MESD: variants seen among roughly 807,000 people sequenced by gnomAD.
MESD encodes mesoderm development LRP chaperone, also known as LRP chaperone MESD.
Under a neutral mutation model 12.9 loss-of-function variants are expected in MESD, and 7 were observed. The observed-to-expected ratio is 0.54, with a 90% CI of 0.31 to 1.02. The LOEUF is 1.02. Ranked by LOEUF, MESD falls within the 50% of genes least tolerant of loss-of-function variation. The pLI, the probability that MESD is intolerant of heterozygous loss-of-function variation, is 0.05. For synonymous variants in MESD, 126 were observed against 115.6 expected, an observed-to-expected ratio of 1.09 and a Z score of -0.58; for missense variants, 342 against 296.7, an observed-to-expected ratio of 1.15 and a Z score of -1.12.
At chr15:80,967,116 AC>A (rs1462977013) in intron 3 of MESD, among the ~76,000 whole-genome samples, 13 of 150,768 alleles carry the variant, frequency 8.6e-5, no homozygotes, top group African/African-American at 2.9e-4. Flanking sequence ...ACATGAAGAA[AC>A]CCCCGCCTCT....
exon 5 of MESD, chr15:80,948,685 C>A: frequency 7.1e-7 from 1 of 1,407,488 alleles, no homozygotes; most frequent in Non-Finnish European, 1.0e-6. Flanking sequence ...TGCAGTGTGG[C>A]TAGGCGGTAC....
intron 1 of MESD, among the ~76,000 whole-genome samples, chr15:80,985,638 G>GTTTTTT: frequency 9.7e-6 from 1 of 103,524 alleles, no homozygotes; most frequent in Non-Finnish European, 2.0e-5. Context: ...GTCCCAAGCA[G>GTTTTTT]CTTTTTTTTT....
At chr15:80,947,366 A>T (rs955139886) in exon 5 of MESD, 1 of 391,760 alleles carries the variant, frequency 2.6e-6, no homozygotes, top group Non-Finnish European at 4.8e-6. Context: ...AAAGTATCAT[A>T]AGAAAAGTGG....
intron 3 of MESD, among the ~76,000 whole-genome samples, chr15:80,968,335 C>G (rs909397037): frequency 5.3e-5 from 8 of 152,192 alleles, no homozygotes; most frequent in African/African-American, 1.9e-4. Context: ...CATCCCAGCC[C>G]CTCCCTTAGA....
At chr15:80,949,127 TGGG>T (rs1901702658) in intron 4 of MESD, 2 of 685,150 alleles carry the variant, frequency 2.9e-6, no homozygotes, top group Non-Finnish European at 2.6e-6. Flanking sequence ...CTGGAGCCCC[TGGG>T]GCGGTGCTGG....
downstream of MESD, among the ~76,000 whole-genome samples, chr15:80,974,462 A>G (rs988666353): frequency 2.0e-5 from 3 of 152,220 alleles, no homozygotes; most frequent in Admixed American, 6.5e-5. Flanking sequence ...ATCCTGGGGG[A>G]AAATATAACC....
intron 3 of MESD, among the ~76,000 whole-genome samples, chr15:80,962,010 T>C (rs1322634801): frequency 1.3e-5 from 2 of 152,192 alleles, no homozygotes; most frequent in Non-Finnish European, 2.9e-5. Flanking sequence ...TAAATGTAAA[T>C]GGGCTAAATG....
chr15:80,956,321 C>T lies in MESD; in HGVS notation c.*289-4025G>A, dbSNP rs184337548. Among the ~76,000 whole-genome samples the T allele has an allele frequency of 3.4e-4, 52 of 152,296 alleles. No individual in the cohort carries two copies. In the East Asian group the frequency reaches 4.6e-3, roughly 14 times the overall value. On this transcript the variant is annotated intron_variant, in intron 3 of 4. Coordinates refer to the MESD transcript ENST00000561312. Reference sequence around the variant, plus strand: ...GGACGGAGAGCTCTGGGCTAAGAATCGGAAGGCGTCCAACTGCTCCCCTCG... The same window carrying T: ...GGACGGAGAGCTCTGGGCTAAGAATTGGAAGGCGTCCAACTGCTCCCCTCG...
chr15:80,989,685 C>G lies in MESD; in HGVS notation c.107G>C (p.Gly36Ala), dbSNP rs143990493. The change falls in exon 1 of 3, where the codon GGC becomes GCC. Residue 36 changes from glycine (G) to alanine (A), a missense_variant. Transcript: ENST00000261758. Reference sequence around the variant, plus strand: ...AGACTCGTCGGGCGTCCCGGGCGAGCCTTCGGCCGCGCAGGACCCAGGCGG... The same window carrying G: ...AGACTCGTCGGGCGTCCCGGGCGAGGCTTCGGCCGCGCAGGACCCAGGCGG... Reference protein sequence around the residue: ...LPPPGSCAAEGSPGTPDESTP... With the variant: ...LPPPGSCAAEASPGTPDESTP... The G allele has an allele frequency of 7.0e-5, 113 of 1,612,934 alleles. No homozygotes were observed. The African/African-American group carries it at 7.2e-4, about 10-fold the overall frequency.
downstream of MESD, among the ~76,000 whole-genome samples, chr15:80,972,494 G>A (rs1308588774): frequency 6.6e-6 from 1 of 152,162 alleles, no homozygotes; most frequent in East Asian, 1.9e-4. Context: ...GGGCAGGGCT[G>A]TGCATGTAAA....
chr15:80,978,910 T>G lies in MESD; in HGVS notation c.*309A>C. 2.6e-6 allele frequency: 1 copy of G among 380,570 alleles called. No individual in the cohort carries two copies. The highest frequency in any genetic ancestry group is 4.7e-6 in the Non-Finnish European group (1 of 210,530). The allele number at this position is 380,570 out of a possible 1,614,324, so 23.6% of individuals were successfully genotyped here. On this transcript the variant is annotated 3_prime_UTR_variant, in exon 3 of 3. Transcript: ENST00000261758. ...CAGGTGCTTGGAGGGGAGTGGAATC[T>G]CAGTAGAGTTGATGACTCACCAAGT... is the stretch of plus-strand genomic sequence containing the variant.
downstream of MESD, among the ~76,000 whole-genome samples, chr15:80,972,174 C>T (rs1902302738): frequency 6.6e-6 from 1 of 152,092 alleles, no homozygotes; most frequent in Non-Finnish European, 1.5e-5. Flanking sequence ...GAGGATCAGA[C>T]CTGCAGAAAC....
At chr15:80,961,499 G>C (rs1902087761) in intron 3 of MESD, among the ~76,000 whole-genome samples, 1 of 152,128 alleles carries the variant, frequency 6.6e-6, no homozygotes, top group Admixed American at 6.6e-5. Flanking sequence ...AATGCTCCTA[G>C]ACAATGAGGA....
downstream of MESD, among the ~76,000 whole-genome samples, chr15:80,972,283 T>C (rs7163796): frequency 0.26 from 39,187 of 152,108 alleles, 5,828 homozygotes; most frequent in African/African-American, 0.41. Flanking sequence ...GTCGAACACT[T>C]AGGGCAAGTG....
At chr15:80,973,544 A>T (rs1902336738), downstream of MESD, among the ~76,000 whole-genome samples, 1 of 148,486 alleles carries the variant, frequency 6.7e-6, no homozygotes, top group South Asian at 2.1e-4. Flanking sequence ...CAAAAAAAAT[A>T]AATAAATAGT....
At chr15:80,953,110 T>C (rs1195708971) in intron 3 of MESD, 2 of 455,694 alleles carry the variant, frequency 4.4e-6, no homozygotes, top group Non-Finnish European at 4.4e-6. Flanking sequence ...GCTATCAGAG[T>C]GTGGGCTTGA....
downstream of MESD, chr15:80,946,757 T>C (rs77553032): frequency 7.1e-3 from 4,178 of 591,622 alleles, 136 homozygotes; most frequent in African/African-American, 0.067. Flanking sequence ...TGGCCAGATG[T>C]GTGGGAGGGA....
intron 3 of MESD, among the ~76,000 whole-genome samples, chr15:80,958,103 C>A (rs1197782870): frequency 6.6e-6 from 1 of 152,170 alleles, no homozygotes; most frequent in South Asian, 2.1e-4. Context: ...TTATTTATAG[C>A]GGAATTTTGC....
intron 3 of MESD, among the ~76,000 whole-genome samples, chr15:80,967,393 C>T (rs1427282124): frequency 6.6e-6 from 1 of 152,164 alleles, no homozygotes; most frequent in Non-Finnish European, 1.5e-5. Context: ...AGCTTCTATC[C>T]TAAGGGAGTC....
Sources: gnomAD v4.1 joint callset for allele counts (sites outside exome capture counted in the v4.1 genomes callset) on GRCh38, gnomAD v4.1.1 for gene constraint, MANE v1.5 for transcripts, NCBI Gene and HGNC (gene_info 2026-07-23, HGNC 2026-07-21) for gene names.